CTNNA3: variants seen among roughly 807,000 people sequenced by gnomAD.
CTNNA3 encodes catenin alpha-3.
A neutral mutation model predicts 95.7 loss-of-function variants in CTNNA3; 76 were observed. That is an observed-to-expected ratio of 0.79 (90% CI 0.66 to 0.96). The LOEUF is 0.96. Ranked by LOEUF, CTNNA3 falls within the 40% of genes least tolerant of loss-of-function variation. The pLI is 0.00. For synonymous variants in CTNNA3, 431 were observed against 374.4 expected (o/e 1.15, Z -1.74); for missense variants, 1,191 against 1,089.8 (o/e 1.09, Z -1.31).
At chr10:67,172,458 TG>T (rs1210414829) in intron 7 of CTNNA3, among the ~76,000 whole-genome samples, 1 of 152,186 alleles carries the variant, frequency 6.6e-6, no homozygotes, top group Admixed American at 6.5e-5. Context: ...ATACAAAATC[TG>T]TCAGAAAAAT....
intron 12 of CTNNA3, among the ~76,000 whole-genome samples, chr10:66,365,576 A>G (rs1052874419): frequency 6.6e-6 from 1 of 152,168 alleles, no homozygotes; most frequent in Non-Finnish European, 1.5e-5. Context: ...ATGGGACCAT[A>G]TGAAGCATAT....
chr10:67,061,739 T>C (rs2133221396), intron 7 of CTNNA3, among the ~76,000 whole-genome samples: 1 of 152,310 alleles, frequency 6.6e-6, no homozygotes, highest in South Asian at 2.1e-4. Context: ...AATATGTATC[T>C]TTGTTTCTAA....
At chr10:66,956,278 C>T (rs1320146605) in intron 7 of CTNNA3, among the ~76,000 whole-genome samples, 1 of 151,398 alleles carries the variant, frequency 6.6e-6, no homozygotes, top group Non-Finnish European at 1.5e-5. Flanking sequence ...GCAAATGATT[C>T]TCAAGCTTAG....
At chr10:65,986,193 T>A (rs2078423641) in intron 16 of CTNNA3, among the ~76,000 whole-genome samples, 1 of 151,410 alleles carries the variant, frequency 6.6e-6, no homozygotes. Context: ...ATTTACCCTG[T>A]TGTGATTATT....
At chr10:66,004,548 G>T (rs1347772462) in intron 15 of CTNNA3, among the ~76,000 whole-genome samples, 1 of 152,148 alleles carries the variant, frequency 6.6e-6, no homozygotes, top group East Asian at 1.9e-4. Context: ...ACCAACAAAA[G>T]TAGCCATTAA....
At chr10:66,926,822 T>C in intron 7 of CTNNA3, 1 of 1,113,094 alleles carries the variant, frequency 9.0e-7, no homozygotes, top group Non-Finnish European at 1.2e-6. Context: ...TTATTTAGAT[T>C]TAAATTTTTA....
intron 7 of CTNNA3, among the ~76,000 whole-genome samples, chr10:66,783,155 C>T (rs1840607465): frequency 6.6e-6 from 1 of 152,112 alleles, no homozygotes. Context: ...ACCAGAGATA[C>T]TCACGCCAGA....
At chr10:66,512,693 A>C (rs12265245) in intron 11 of CTNNA3, among the ~76,000 whole-genome samples, 1 of 152,062 alleles carries the variant, frequency 6.6e-6, no homozygotes, top group Non-Finnish European at 1.5e-5. Flanking sequence ...TCAGTTTAAC[A>C]GTGATTAATT....
chr10:67,381,733 TAGGCACTTTCAA>T (rs1843954501), intron 5 of CTNNA3, among the ~76,000 whole-genome samples: 1 of 152,204 alleles, frequency 6.6e-6, no homozygotes, highest in Non-Finnish European at 1.5e-5. Flanking sequence ...CATTTCTATA[TAGGCACTTTCAA>T]AGGAGGAACT....
At chr10:67,277,729 A>G (rs1419696149) in intron 5 of CTNNA3, among the ~76,000 whole-genome samples, 1 of 152,140 alleles carries the variant, frequency 6.6e-6, no homozygotes, top group African/African-American at 2.4e-5. Flanking sequence ...GGTTGTCCTC[A>G]CTTTTCATTA....
intron 7 of CTNNA3, among the ~76,000 whole-genome samples, chr10:66,798,436 G>A (rs904659354): frequency 2.0e-5 from 3 of 151,720 alleles, no homozygotes; most frequent in Admixed American, 2.0e-4. Flanking sequence ...CACAGGTGGT[G>A]TTTAAAGGTG....
chr10:65,917,254 A>C lies in CTNNA3; in HGVS notation c.*3076T>G, dbSNP rs2133096024. 6.6e-6 allele frequency: 1 copy of C among 152,312 alleles called. No homozygotes were observed. The highest frequency in any genetic ancestry group is 1.9e-4 in the East Asian group (1 of 5,184). The allele number at this position is 152,312 out of a possible 1,614,324, so 9.4% of individuals were successfully genotyped here. A position where few individuals can be genotyped will look rare whatever the true frequency, so the allele number is the denominator to read the frequency against. Reference sequence around the variant, plus strand: ...TAATAAATAATAAACAGAAAGGAATAATGAACAAATTAGCTTAGAAATTTA... The same window carrying C: ...TAATAAATAATAAACAGAAAGGAATCATGAACAAATTAGCTTAGAAATTTA... On this transcript the variant is annotated 3_prime_UTR_variant, in exon 18 of 18. Transcript: ENST00000433211.
chr10:66,067,620 T>C (rs576228538), intron 15 of CTNNA3, among the ~76,000 whole-genome samples: 2 of 152,142 alleles, frequency 1.3e-5, no homozygotes, highest in South Asian at 2.1e-4. Context: ...AGGGTTTCCT[T>C]TATTCAAAAA....
chr10:66,110,419 A>G (rs2082078650), intron 13 of CTNNA3, among the ~76,000 whole-genome samples: 1 of 151,704 alleles, frequency 6.6e-6, no homozygotes, highest in Non-Finnish European at 1.5e-5. Flanking sequence ...CTGCACTTCC[A>G]TGTTCACAAT....
chr10:67,622,008 C>G (rs1032590531), intron 2 of CTNNA3, among the ~76,000 whole-genome samples: 35 of 152,118 alleles, frequency 2.3e-4, no homozygotes, highest in African/African-American at 8.2e-4. Flanking sequence ...ACTATCTGGA[C>G]CCATACAGTA....
At chr10:66,629,335 C>G (rs1357740597) in intron 9 of CTNNA3, among the ~76,000 whole-genome samples, 1 of 152,036 alleles carries the variant, frequency 6.6e-6, no homozygotes, top group Non-Finnish European at 1.5e-5. Context: ...GGATAATACT[C>G]ACTCTCTCAT....
In CTNNA3 at chr10:66,877,895, T is replaced by C. The variant is rs16923643; in HGVS notation, c.1048-102371A>G. ...TCCAGATTTATAGAGATTTATAATG[T>C]TCAAAACTTAGAAATATTAAGTTTG... On this transcript the variant is annotated intron_variant, in intron 7 of 17. Transcript: ENST00000433211. Among the ~76,000 whole-genome samples, 4,509 of 152,238 alleles carry C rather than the reference T, an allele frequency of 0.03. 369 individuals carry two copies. The East Asian group carries it at 0.34, about 11-fold the overall frequency.
chr10:67,324,704 T>TA (rs1304928933), intron 5 of CTNNA3, among the ~76,000 whole-genome samples: 3 of 150,998 alleles, frequency 2.0e-5, no homozygotes, highest in Non-Finnish European at 4.4e-5. Flanking sequence ...TTTTCTCCTT[T>TA]TTTTTTTTTT....
intron 5 of CTNNA3, among the ~76,000 whole-genome samples, chr10:67,332,447 T>C (rs1405117718): frequency 1.3e-5 from 2 of 152,176 alleles, no homozygotes; most frequent in Non-Finnish European, 1.5e-5. Context: ...AAAACTACTT[T>C]CTGTGAACTG....
Sources: allele counts gnomAD v4.1 joint callset (sites outside exome capture counted in the v4.1 genomes callset), GRCh38; gene constraint gnomAD v4.1.1; transcripts MANE v1.5; gene names NCBI Gene and HGNC (gene_info 2026-07-23, HGNC 2026-07-21).